PABIR3: variants seen among roughly 807,000 people sequenced by gnomAD.
PABIR3 encodes PABIR family member 1.
Under a neutral mutation model 23.1 loss-of-function variants are expected in PABIR3, and 20 were observed. The observed-to-expected ratio is 0.86, with a 90% CI of 0.61 to 1.26. The LOEUF (loss-of-function observed/expected upper bound fraction) is 1.26. PABIR3 is among the 50% of genes most tolerant of loss of function. The probability of loss-of-function intolerance (pLI) is 0.00; values close to 1 mark genes in which losing one functional copy is unlikely to be tolerated. For synonymous variants in PABIR3, 69 were observed against 68.5 expected (o/e 1.01, Z -0.04); for missense variants, 189 against 195.4 (o/e 0.97, Z 0.20).
chrX:134,814,255 G>A (rs1267761672), intron 2 of PABIR3, among the ~76,000 whole-genome samples: 1 of 111,737 alleles, frequency 8.9e-6, no homozygotes, highest in Admixed American at 9.5e-5. Flanking sequence ...AGCATGATTA[G>A]GAGTAAAGTA....
At chrX:134,836,043 G>A (rs893144889) in intron 4 of PABIR3, among the ~76,000 whole-genome samples, 1 of 111,639 alleles carries the variant, frequency 9.0e-6, no homozygotes, top group Admixed American at 9.5e-5. Flanking sequence ...TCACCATATT[G>A]GTCCGACTGG....
At chrX:134,836,571 G>A (rs1257577227) in intron 4 of PABIR3, among the ~76,000 whole-genome samples, 1 of 112,160 alleles carries the variant, frequency 8.9e-6, no homozygotes, top group Non-Finnish European at 1.9e-5. Flanking sequence ...CTATCTTCAT[G>A]TTCACATAGT....
intron 4 of PABIR3, chrX:134,831,609 A>T (rs61466694): frequency 9.0e-6 from 1 of 111,490 alleles, no homozygotes; most frequent in Admixed American, 9.6e-5. Flanking sequence ...CTGGGTTTTT[A>T]AAAAGTAATT....
At chrX:134,839,782 G>T (rs2082151714) in intron 4 of PABIR3, among the ~76,000 whole-genome samples, 2 of 110,474 alleles carry the variant, frequency 1.8e-5, no homozygotes, top group East Asian at 3.0e-4. Flanking sequence ...TCCGGGAGGT[G>T]AGGGGCGCCT....
At chrX:134,833,730 A>G (rs1421705344) in intron 4 of PABIR3, among the ~76,000 whole-genome samples, 2 of 109,709 alleles carry the variant, frequency 1.8e-5, no homozygotes, top group African/African-American at 6.7e-5. Flanking sequence ...ATGTGTTCTC[A>G]TTGTTCAACT....
intron 2 of PABIR3, chrX:134,810,964 T>C (rs757691400): frequency 4.0e-6 from 3 of 754,255 alleles, no homozygotes; most frequent in Non-Finnish European, 3.1e-6. Flanking sequence ...TTGTAGAAAA[T>C]ATTTAGCTTG....
At chrX:134,825,965 C>T (rs914290571) in intron 3 of PABIR3, among the ~76,000 whole-genome samples, 2 of 108,576 alleles carry the variant, frequency 1.8e-5, no homozygotes, top group Non-Finnish European at 3.8e-5. Context: ...TGTGAGCCAC[C>T]GCATCCAGAG....
intron 4 of PABIR3, among the ~76,000 whole-genome samples, chrX:134,841,715 G>C (rs1467632006): frequency 1.8e-5 from 2 of 110,171 alleles, no homozygotes; most frequent in Non-Finnish European, 3.8e-5. Flanking sequence ...TGTAATTCCA[G>C]CTACTCGGGA....
intron 9 of PABIR3, among the ~76,000 whole-genome samples, chrX:134,851,179 G>A (rs1448896623): frequency 9.0e-6 from 1 of 110,817 alleles, no homozygotes; most frequent in African/African-American, 3.3e-5. Context: ...CAAGATTAGA[G>A]TCTCCAAAGC....
At chrX:134,863,619 T>C in the PABIR3 span, among the ~76,000 whole-genome samples, 19 of 111,625 alleles carry the variant, frequency 1.7e-4, no homozygotes, top group African/African-American at 5.5e-4. Context: ...TGCAGATTGA[T>C]TGGCCTCTCA....
intron 4 of PABIR3, among the ~76,000 whole-genome samples, chrX:134,840,961 GTATT>G (rs2082210496): frequency 9.1e-6 from 1 of 109,406 alleles, no homozygotes; most frequent in Admixed American, 9.9e-5. Context: ...ATTTATTTAT[GTATT>G]TATTTATTTA....
chrX:134,818,934 CTT>C (rs1216993828), intron 3 of PABIR3, among the ~76,000 whole-genome samples: 3 of 77,049 alleles, frequency 3.9e-5, no homozygotes, highest in Non-Finnish European at 5.0e-5. Flanking sequence ...TTTTTTCTTT[CTT>C]TTTTTTTTTT....
chrX:134,809,538 A>G, intron 2 of PABIR3: 2 of 752,104 alleles, frequency 2.7e-6, no homozygotes, highest in Non-Finnish European at 3.1e-6. Flanking sequence ...AAGGTTTTCT[A>G]GATACCGTAA....
At chrX:134,797,746 TG>T (rs1342718648) in intron 1 of PABIR3, among the ~76,000 whole-genome samples, 2 of 110,567 alleles carry the variant, frequency 1.8e-5, no homozygotes, top group African/African-American at 6.6e-5. Context: ...CAGAACCAAA[TG>T]TTTTTTCTTA....
intron 2 of PABIR3, among the ~76,000 whole-genome samples, chrX:134,812,485 A>T (rs1368940352): frequency 1.8e-5 from 2 of 112,223 alleles, no homozygotes; most frequent in African/African-American, 6.5e-5. Flanking sequence ...ACTGCCTGTT[A>T]TATGCAAATT....
Position 134,854,161 on chromosome X carries a change from G to A in PABIR3, c.757G>A (p.Gly253Ser), listed in dbSNP as rs747306525. ...TTCTGGTAATTCGTCAGCTGAAATCGGCACTGTCACAAACTCTCCTGTGTC... is the reference window on the plus strand; with the variant it reads ...TTCTGGTAATTCGTCAGCTGAAATCAGCACTGTCACAAACTCTCCTGTGTC... ...GSSGNSSAEI[G>S]TVTNSPVSPS... The change falls in exon 11 of 11, where the codon GGC (glycine) becomes AGC (serine). Residue 253 changes from glycine to serine, a missense_variant. Gly to Ser is a moderately conservative substitution (Grantham distance 56, BLOSUM62 0). Coordinates refer to ENST00000645433, the MANE Select transcript of PABIR3 (RefSeq NM_001388447.1). 7 of 1,208,375 alleles carry A rather than the reference G, an allele frequency of 5.8e-6. No individual in the cohort carries two copies. The highest frequency in any genetic ancestry group is 5.3e-5 in the African/African-American group (3 of 56,976).
intron 1 of PABIR3, among the ~76,000 whole-genome samples, chrX:134,798,000 T>C (rs2079950870): frequency 1.8e-5 from 2 of 110,833 alleles, no homozygotes; most frequent in South Asian, 7.5e-4. Context: ...TTTGTATTTT[T>C]AGTAGAGACG....
intron 7 of PABIR3, 101 bp downstream of exon 7, chrX:134,847,576 T>C: frequency 1.7e-6 from 1 of 587,467 alleles, no homozygotes. Context: ...GGATATATTT[T>C]GTCACAGTAC....
intron 9 of PABIR3, among the ~76,000 whole-genome samples, chrX:134,850,410 T>C (rs2082591054): frequency 8.9e-6 from 1 of 111,977 alleles, no homozygotes; most frequent in African/African-American, 3.2e-5. Context: ...AAGGGCTAGA[T>C]AAATTCTGGA....
Sources: allele counts gnomAD v4.1 joint callset (sites outside exome capture counted in the v4.1 genomes callset), GRCh38; gene constraint gnomAD v4.1.1; transcripts MANE v1.5; gene names NCBI Gene and HGNC (gene_info 2026-07-23, HGNC 2026-07-21).